The following CAP2 variants were observed in gnomAD, a reference collection of about 807,000 sequenced individuals.
The protein encoded by CAP2 is cyclase associated actin cytoskeleton regulatory protein 2.
CAP2 carries 24 observed loss-of-function variants against 57.7 expected under a neutral mutation model. The observed-to-expected ratio is 0.42, with a 90% confidence interval of 0.30 to 0.58. The LOEUF (loss-of-function observed/expected upper bound fraction) is 0.58. Ranked by LOEUF, CAP2 falls within the 20% of genes least tolerant of loss-of-function variation. The pLI is 0.22. For synonymous variants in CAP2, 194 were observed against 207.2 expected (o/e 0.94, Z 0.55); for missense variants, 501 against 590.3 (o/e 0.85, Z 1.57).
intron 3 of CAP2, among the ~76,000 whole-genome samples, chr6:17,429,584 A>G (rs906942031): frequency 7.2e-5 from 11 of 152,228 alleles, no homozygotes; most frequent in Admixed American, 3.9e-4. Context: ...TCATCTCTTC[A>G]TTCATCAGGC....
Position 17,472,134 on chromosome 6 carries a change from A to G in CAP2, c.300+9061A>G, listed in dbSNP as rs775929314. On this transcript the variant is annotated intron_variant, in intron 4 of 12. Transcript: ENST00000229922. ...CGGATCACGAGGTCAGGAGATCGAGACCATCCCGGCTAAAATGGTGAAACC... is the reference window on the plus strand; with the variant it reads ...CGGATCACGAGGTCAGGAGATCGAGGCCATCCCGGCTAAAATGGTGAAACC... 9.3e-4 allele frequency among the ~76,000 whole-genome samples: 25 copies of G among 26,776 alleles called. 6 individuals carry two copies. The highest frequency in any genetic ancestry group is 1.3e-3 in the Non-Finnish European group (21 of 15,678). The allele number at this position is 26,776 out of a possible 152,430, so 17.6% of individuals were successfully genotyped here. A position where few individuals can be genotyped will look rare whatever the true frequency, so the allele number is the denominator to read the frequency against.
chr6:17,556,507 T>A lies in CAP2; in HGVS notation c.*65T>A. The A allele has an allele frequency of 8.4e-7, 1 of 1,197,468 alleles. No homozygotes were observed. Among genetic ancestry groups the A allele is most frequent in the Non-Finnish European group, 1.2e-6 (1 of 800,658 alleles). 74.2% of individuals were successfully genotyped at this position (1,197,468 alleles called of 1,614,324 possible). On this transcript the variant is annotated 3_prime_UTR_variant, in exon 13 of 13. Transcript: ENST00000229922. The stretch of plus-strand genomic sequence containing the variant: ...TATCAAACAAACAAAAAAGCAGCAG[T>A]AAAGAGCTAGAAGTTGCAGTAGCCC...
chr6:17,520,960 A>G (rs1762377529), intron 7 of CAP2, among the ~76,000 whole-genome samples: 1 of 152,326 alleles, frequency 6.6e-6, no homozygotes, highest in African/African-American at 2.4e-5. Flanking sequence ...ACTGTTCTCT[A>G]TGGCTCTTCC....
intron 7 of CAP2, among the ~76,000 whole-genome samples, chr6:17,538,233 TA>T (rs1236453535): frequency 6.6e-6 from 1 of 150,716 alleles, no homozygotes; most frequent in African/African-American, 2.4e-5. Context: ...GAGGATTACT[TA>T]AAGCCAGGAG....
At chr6:17,440,685 T>G (rs1760049827) in intron 3 of CAP2, among the ~76,000 whole-genome samples, 1 of 151,080 alleles carries the variant, frequency 6.6e-6, no homozygotes, top group South Asian at 2.1e-4. Flanking sequence ...CATTTTTTTA[T>G]TATACTTTAA....
intron 4 of CAP2, among the ~76,000 whole-genome samples, chr6:17,489,206 G>A (rs1761491232): frequency 6.6e-6 from 1 of 152,130 alleles, no homozygotes. Flanking sequence ...GGCTAAGGCG[G>A]GCACATCACG....
chr6:17,437,504 T>C lies in CAP2; in HGVS notation c.222+10814T>C, dbSNP rs115600482. ...TGTCAGTGGAGTTTTGCCAATCTGA[T>C]GGGTGACAAACAGTATTTCTGTGTC... On this transcript the variant is annotated intron_variant, in intron 3 of 12. Coordinates refer to ENST00000229922, the MANE Select transcript of CAP2 (RefSeq NM_006366.3). Among the ~76,000 whole-genome samples the C allele has an allele frequency of 4.2e-3, 635 of 152,328 alleles. 4 individuals carry two copies. The highest frequency in any genetic ancestry group is 0.015 in the African/African-American group (610 of 41,578).
intron 1 of CAP2, among the ~76,000 whole-genome samples, chr6:17,406,568 A>G (rs973058806): frequency 6.6e-6 from 1 of 151,404 alleles, no homozygotes; most frequent in Non-Finnish European, 1.5e-5. Context: ...TAATTTTTGT[A>G]TTTTTAGTAG....
At chr6:17,502,622 A>G (rs1023115123) in intron 4 of CAP2, among the ~76,000 whole-genome samples, 3 of 152,150 alleles carry the variant, frequency 2.0e-5, no homozygotes, top group African/African-American at 7.2e-5. Context: ...AGTATCTTCC[A>G]GAAGACTCTG....
chr6:17,404,472 G>A (rs775637899), intron 1 of CAP2, among the ~76,000 whole-genome samples: 5 of 152,168 alleles, frequency 3.3e-5, no homozygotes, highest in Non-Finnish European at 5.9e-5. Context: ...GGGCGTGGTG[G>A]CGAGTGCCTG....
chr6:17,507,366 A>C, intron 5 of CAP2, 54 bp downstream of exon 5: 1 of 1,534,356 alleles, frequency 6.5e-7, no homozygotes, highest in Non-Finnish European at 8.9e-7. Context: ...TGGAGTATTT[A>C]GGAGAACTAG....
intron 4 of CAP2, among the ~76,000 whole-genome samples, chr6:17,466,951 C>T (rs1488552039): frequency 6.6e-6 from 1 of 152,036 alleles, no homozygotes; most frequent in East Asian, 1.9e-4. Flanking sequence ...AATAATGACT[C>T]ATATAATTAT....
chr6:17,438,056 A>G (rs1438615694), intron 3 of CAP2, among the ~76,000 whole-genome samples: 2 of 151,480 alleles, frequency 1.3e-5, no homozygotes, highest in Admixed American at 6.6e-5. Flanking sequence ...CATTGTCACT[A>G]TGGCATTATG....
intron 4 of CAP2, among the ~76,000 whole-genome samples, chr6:17,482,071 T>A (rs553475556): frequency 6.6e-6 from 1 of 152,336 alleles, no homozygotes; most frequent in South Asian, 2.1e-4. Flanking sequence ...CTGTTCCTAA[T>A]TTTATACTCA....
intron 3 of CAP2, among the ~76,000 whole-genome samples, chr6:17,445,532 G>A (rs1156562153): frequency 6.6e-6 from 1 of 152,228 alleles, no homozygotes; most frequent in Non-Finnish European, 1.5e-5. Flanking sequence ...GATCGGGCAA[G>A]AAATGACTTT....
intron 3 of CAP2, among the ~76,000 whole-genome samples, chr6:17,428,620 G>A (rs1273732451): frequency 6.9e-6 from 1 of 144,208 alleles, no homozygotes; most frequent in Non-Finnish European, 1.5e-5. Context: ...TCTGGGGACT[G>A]TGGTGGGATG....
chr6:17,546,723 C>T (rs1001357246), intron 11 of CAP2, among the ~76,000 whole-genome samples: 75 of 152,284 alleles, frequency 4.9e-4, no homozygotes, highest in African/African-American at 1.7e-3. Context: ...CAGGCAATAT[C>T]ATATTGAATG....
chr6:17,491,755 C>T (rs1377908892), intron 4 of CAP2, among the ~76,000 whole-genome samples: 1 of 152,168 alleles, frequency 6.6e-6, no homozygotes, highest in Non-Finnish European at 1.5e-5. Context: ...ATCTTGTTCC[C>T]TCACTCATAA....
chr6:17,470,846 T>C (rs533406088), intron 4 of CAP2, among the ~76,000 whole-genome samples: 17 of 152,172 alleles, frequency 1.1e-4, no homozygotes, highest in Non-Finnish European at 2.5e-4. Flanking sequence ...CTCATAGGGA[T>C]TTTCCAGACT....
Sources: allele counts gnomAD v4.1 joint callset (sites outside exome capture counted in the v4.1 genomes callset), GRCh38; gene constraint gnomAD v4.1.1; transcripts MANE v1.5; gene names NCBI Gene and HGNC (gene_info 2026-07-23, HGNC 2026-07-21).